GPC5: variants seen among roughly 807,000 people sequenced by gnomAD.
The protein encoded by GPC5 is glypican 5.
In GPC5, 47 loss-of-function variants were observed where a neutral mutation model predicts 53.9. The observed-to-expected ratio is 0.87, with a 90% CI of 0.69 to 1.11. The LOEUF (loss-of-function observed/expected upper bound fraction) is 1.11. GPC5 is among the 50% of genes most tolerant of loss of function. The probability of loss-of-function intolerance (pLI) is 0.00; values close to 1 mark genes in which losing one functional copy is unlikely to be tolerated. For synonymous variants in GPC5, 286 were observed against 263.3 expected, an observed-to-expected ratio of 1.09 and a Z score of -0.84; for missense variants, 748 against 713.1, an observed-to-expected ratio of 1.05 and a Z score of -0.56.
intron 7 of GPC5, among the ~76,000 whole-genome samples, chr13:92,411,120 ATTTGC>A: frequency 6.6e-6 from 1 of 152,200 alleles, no homozygotes; most frequent in South Asian, 2.1e-4. Flanking sequence ...AAACAAAAAA[ATTTGC>A]CAGGCATGAT....
chr13:92,444,809 A>T (rs1489949228), intron 7 of GPC5, among the ~76,000 whole-genome samples: 2 of 151,546 alleles, frequency 1.3e-5, no homozygotes, highest in African/African-American at 4.8e-5. Context: ...AGACCAGTTA[A>T]TTTGCTTCTA....
chr13:92,357,874 T>TGG (rs113657853), intron 7 of GPC5, among the ~76,000 whole-genome samples: 2,007 of 150,568 alleles, frequency 0.013, 92 homozygotes, highest in African/African-American at 0.047. Flanking sequence ...ACATGAGATA[T>TGG]GGGGGGGGAC....
chr13:92,130,713 G>C (rs760196250), intron 6 of GPC5, among the ~76,000 whole-genome samples: 12 of 151,928 alleles, frequency 7.9e-5, no homozygotes, highest in Non-Finnish European at 1.5e-4. Context: ...TTTAAATGTT[G>C]TATAAAATAT....
At chr13:92,822,531 A>G (rs1268208167) in intron 7 of GPC5, among the ~76,000 whole-genome samples, 1 of 152,146 alleles carries the variant, frequency 6.6e-6, no homozygotes, top group Non-Finnish European at 1.5e-5. Flanking sequence ...TGTGGCTAAT[A>G]TGAAGTCCAA....
intron 2 of GPC5, among the ~76,000 whole-genome samples, chr13:91,622,457 G>C (rs2033886980): frequency 6.6e-6 from 1 of 152,056 alleles, no homozygotes. Flanking sequence ...CACTGAACAT[G>C]TTCGTTTTTG....
At chr13:92,767,202 T>C (rs1875436508) in intron 7 of GPC5, among the ~76,000 whole-genome samples, 1 of 151,974 alleles carries the variant, frequency 6.6e-6, no homozygotes, top group African/African-American at 2.4e-5. Context: ...ATGGGTGCGG[T>C]GGCTCATGCC....
chr13:92,139,277 G>T (rs543387780), intron 6 of GPC5, among the ~76,000 whole-genome samples: 11 of 152,208 alleles, frequency 7.2e-5, no homozygotes, highest in African/African-American at 2.6e-4. Context: ...TTATTTTGCT[G>T]TATAGTCATA....
intron 6 of GPC5, among the ~76,000 whole-genome samples, chr13:92,023,724 G>A (rs1316084344): frequency 7.4e-6 from 1 of 134,712 alleles, no homozygotes; most frequent in Non-Finnish European, 1.6e-5. Context: ...ATTTATTTTA[G>A]TCAAGTTTAT....
At chr13:92,706,103 A>T (rs1053171643) in intron 7 of GPC5, 4 of 152,042 alleles carry the variant, frequency 2.6e-5, no homozygotes, top group Admixed American at 6.6e-5. Context: ...CCCAGCCTAG[A>T]AGTAGTCCAT....
chr13:91,587,345 T>TTTGC (rs2032637025), intron 2 of GPC5, among the ~76,000 whole-genome samples: 1 of 152,184 alleles, frequency 6.6e-6, no homozygotes, highest in Non-Finnish European at 1.5e-5. Context: ...AGTTTCCTAG[T>TTTGC]ATCTGACAAA....
chr13:92,275,748 G>A (rs573666624), intron 7 of GPC5, among the ~76,000 whole-genome samples: 1 of 152,030 alleles, frequency 6.6e-6, no homozygotes, highest in Non-Finnish European at 1.5e-5. Context: ...TATTTCTGGG[G>A]CATGTATCCA....
chr13:91,974,897 G>C lies in GPC5; in HGVS notation c.1401+66840G>C, dbSNP rs1457038896. Among the ~76,000 whole-genome samples, 4 of 152,130 alleles carry C rather than the reference G, an allele frequency of 2.6e-5. No homozygotes were observed. The South Asian group carries it at 6.2e-4, about 24-fold the overall frequency. On this transcript the variant is annotated intron_variant, in intron 6 of 7. Coordinates refer to ENST00000377067, the MANE Select transcript of GPC5 (RefSeq NM_004466.6). ...CTACAAGGCTACAGTAACCAAAACAGCATGGCACTGGTACCAAAACAGAGA... is the reference window on the plus strand; with the variant it reads ...CTACAAGGCTACAGTAACCAAAACACCATGGCACTGGTACCAAAACAGAGA...
chr13:92,139,489 A>G (rs2041812572), intron 6 of GPC5, among the ~76,000 whole-genome samples: 1 of 152,042 alleles, frequency 6.6e-6, no homozygotes, highest in African/African-American at 2.4e-5. Context: ...AACATGGTGA[A>G]ACCCCGTGTC....
chr13:92,381,995 TA>T (rs2043752299), intron 7 of GPC5, among the ~76,000 whole-genome samples: 1 of 148,868 alleles, frequency 6.7e-6, no homozygotes, highest in African/African-American at 2.5e-5. Flanking sequence ...TCTATCTATC[TA>T]TCTATCTATA....
Position 92,613,339 on chromosome 13 carries a change from T to C in GPC5, c.1562-252943T>C, listed in dbSNP as rs1380880175. Among the ~76,000 whole-genome samples the C allele has an allele frequency of 2.9e-3, 297 of 103,776 alleles. 5 individuals carry two copies. The highest frequency in any genetic ancestry group is 0.011 in the African/African-American group (288 of 25,242). The allele number at this position is 103,776 out of a possible 152,430, so 68.1% of individuals were successfully genotyped here. ...TAATAAATATTTATATAATATAATA[T>C]ATTTATATATAAATATATAATATAT... On this transcript the variant is annotated intron_variant, in intron 7 of 7. Transcript: ENST00000377067.
intron 2 of GPC5, among the ~76,000 whole-genome samples, chr13:91,614,187 G>A (rs2033635381): frequency 6.6e-6 from 1 of 152,258 alleles, no homozygotes; most frequent in Admixed American, 6.5e-5. Context: ...ACATGAGCCT[G>A]GGAATTTTTT....
At chr13:91,911,462 T>C (rs753605788) in intron 6 of GPC5, among the ~76,000 whole-genome samples, 1 of 152,118 alleles carries the variant, frequency 6.6e-6, no homozygotes, top group Non-Finnish European at 1.5e-5. Flanking sequence ...GAGAATCGCT[T>C]GAACCCAGGG....
chr13:92,021,652 T>C (rs539947534), intron 6 of GPC5, among the ~76,000 whole-genome samples: 1 of 152,320 alleles, frequency 6.6e-6, no homozygotes, highest in South Asian at 2.1e-4. Flanking sequence ...ATAAAAATCC[T>C]ACTTACAGCT....
At chr13:92,128,304 C>T (rs2041716324) in intron 6 of GPC5, among the ~76,000 whole-genome samples, 1 of 152,158 alleles carries the variant, frequency 6.6e-6, no homozygotes, top group Non-Finnish European at 1.5e-5. Flanking sequence ...TTTCCTGACA[C>T]TTTCACCAGT....
Sources: allele counts gnomAD v4.1 joint callset (sites outside exome capture counted in the v4.1 genomes callset), GRCh38; gene constraint gnomAD v4.1.1; transcripts MANE v1.5; gene names NCBI Gene and HGNC (gene_info 2026-07-23, HGNC 2026-07-21).